FRMPD4: variants seen among roughly 807,000 people sequenced by gnomAD.
FRMPD4 encodes FERM and PDZ domain containing 4.
Under a neutral mutation model 94.1 loss-of-function variants are expected in FRMPD4, and 22 were observed. That is an observed-to-expected ratio of 0.23 (90% CI 0.17 to 0.33). The LOEUF is 0.33. Ranked by LOEUF, FRMPD4 falls within the 10% of genes least tolerant of loss-of-function variation. The pLI is 1.00. For synonymous variants in FRMPD4, 631 were observed against 548.6 expected, an observed-to-expected ratio of 1.15 and a Z score of -2.10; for missense variants, 1,111 against 1,339.9, an observed-to-expected ratio of 0.83 and a Z score of 2.67.
chrX:12,302,298 A>G (rs1414693348), intron 1 of FRMPD4, among the ~76,000 whole-genome samples: 1 of 112,170 alleles, frequency 8.9e-6, no homozygotes, highest in Non-Finnish European at 1.9e-5. Context: ...TTTGCCTGTG[A>G]AGTCTACCAC....
At chrX:12,433,223 A>G (rs932228297) in intron 1 of FRMPD4, among the ~76,000 whole-genome samples, 2 of 112,299 alleles carry the variant, frequency 1.8e-5, no homozygotes, top group Non-Finnish European at 3.8e-5. Flanking sequence ...GCAAAAGGCA[A>G]TCTATTTCTG....
intron 1 of FRMPD4, among the ~76,000 whole-genome samples, chrX:12,427,971 G>A (rs1268205539): frequency 1.2e-5 from 1 of 85,686 alleles, no homozygotes; most frequent in African/African-American, 4.5e-5. Context: ...GTGCAGTGGC[G>A]CGATCTCGGC....
At chrX:12,503,741 T>C (rs2057949490) in intron 2 of FRMPD4, among the ~76,000 whole-genome samples, 3 of 112,374 alleles carry the variant, frequency 2.7e-5, no homozygotes, top group South Asian at 3.7e-4. Context: ...TACCTCATTC[T>C]TCTGTGTGAG....
intron 2 of FRMPD4, among the ~76,000 whole-genome samples, chrX:12,597,794 T>G (rs925470835): frequency 8.9e-5 from 10 of 112,016 alleles, no homozygotes; most frequent in Admixed American, 2.8e-4. Context: ...CTCATAAATT[T>G]TACTATAGGT....
intron 3 of FRMPD4, among the ~76,000 whole-genome samples, chrX:11,972,963 G>T (rs981062415): frequency 8.9e-6 from 1 of 112,182 alleles, no homozygotes; most frequent in Non-Finnish European, 1.9e-5. Context: ...AGACAAGTAA[G>T]ATTCTTATTT....
chrX:12,694,752 A>G (rs1436349424), intron 9 of FRMPD4, among the ~76,000 whole-genome samples: 2 of 112,129 alleles, frequency 1.8e-5, no homozygotes, highest in Non-Finnish European at 3.8e-5. Context: ...CTGCCCACAC[A>G]AATACACATA....
rs181844172 is a variant in FRMPD4, at chrX:12,515,325, C to T, written c.158+16529C>T. ...TCAATTTGAGATCTTTCTAGCTTTT[C>T]GATGTGCTAGAAATTTCCCACTTAA... On this transcript the variant is annotated intron_variant, in intron 2 of 16. Coordinates refer to ENST00000675598, the MANE Select transcript of FRMPD4 (RefSeq NM_001368397.1). 1.8e-3 allele frequency among the ~76,000 whole-genome samples: 198 copies of T among 109,384 alleles called. 2 individuals are homozygous for T. Among genetic ancestry groups the T allele is most frequent in the African/African-American group, 6.2e-3 (189 of 30,485 alleles). 95.0% of individuals were successfully genotyped at this position (109,384 alleles called of 115,157 possible).
intron 2 of FRMPD4, among the ~76,000 whole-genome samples, chrX:12,505,012 C>T (rs56922923): frequency 8.9e-6 from 1 of 111,744 alleles, no homozygotes; most frequent in Non-Finnish European, 1.9e-5. Flanking sequence ...AGCAGGTTAG[C>T]TAGTGCACTG....
At chrX:11,950,068 G>A (rs1308386496) in intron 3 of FRMPD4, among the ~76,000 whole-genome samples, 1 of 111,327 alleles carries the variant, frequency 9.0e-6, no homozygotes, top group African/African-American at 3.3e-5. Flanking sequence ...TCAAGGGTAA[G>A]ACCAGGTGGA....
chrX:12,142,548 T>C (rs186635326), intron 1 of FRMPD4, among the ~76,000 whole-genome samples: 1 of 111,804 alleles, frequency 8.9e-6, no homozygotes, highest in Admixed American at 9.5e-5. Flanking sequence ...AGACTCTGGA[T>C]TTGAATTTTA....
chrX:12,075,638 A>G (rs2055007064), intron 3 of FRMPD4, among the ~76,000 whole-genome samples: 1 of 111,918 alleles, frequency 8.9e-6, no homozygotes, highest in Non-Finnish European at 1.9e-5. Flanking sequence ...TTGCCAGCCA[A>G]CTAGCATTGT....
At position 12,138,618 on chromosome X, in the gene FRMPD4, C is replaced by T. The variant is rs1022743851; in HGVS notation, c.-354C>T. ...GCCTCTCGCCCAGGCCTCGCTTTCT[C>T]TGGACGCCCGGCAGTCCCCGGGGCT... On this transcript the variant is annotated 5_prime_UTR_variant, in exon 1 of 17. Coordinates refer to ENST00000675598, the MANE Select transcript of FRMPD4 (RefSeq NM_001368397.1). 4.2e-5 allele frequency: 12 copies of T among 285,778 alleles called. No homozygotes were observed. The highest frequency in any genetic ancestry group is 7.3e-5 in the Non-Finnish European group (12 of 163,612). The allele number at this position is 285,778 out of a possible 1,213,427, so 23.6% of individuals were successfully genotyped here.
chrX:12,245,324 A>G (rs976146614), intron 1 of FRMPD4, among the ~76,000 whole-genome samples: 4 of 111,231 alleles, frequency 3.6e-5, no homozygotes, highest in African/African-American at 9.8e-5. Flanking sequence ...TTTTTCTCAC[A>G]AAGGAACTAT....
At chrX:12,343,293 G>A (rs1742461858) in intron 1 of FRMPD4, among the ~76,000 whole-genome samples, 1 of 112,067 alleles carries the variant, frequency 8.9e-6, no homozygotes. Context: ...TAGCCTCTGT[G>A]CTTTGATTTT....
chrX:12,686,459 G>A (rs1417377720), intron 7 of FRMPD4, among the ~76,000 whole-genome samples: 1 of 111,806 alleles, frequency 8.9e-6, no homozygotes, highest in Non-Finnish European at 1.9e-5. Flanking sequence ...AGAAACACTA[G>A]AGCTAGTCAT....
intron 3 of FRMPD4, among the ~76,000 whole-genome samples, chrX:11,894,608 G>A (rs1170663670): frequency 2.7e-5 from 3 of 112,203 alleles, no homozygotes; most frequent in African/African-American, 9.7e-5. Context: ...TGGGATCCAG[G>A]CATGTTTTTA....
intron 1 of FRMPD4, among the ~76,000 whole-genome samples, chrX:12,321,257 G>A (rs968284199): frequency 1.6e-4 from 18 of 111,913 alleles, no homozygotes; most frequent in Middle Eastern, 4.6e-3. Context: ...TTTCATAGCA[G>A]AGTCATACCT....
chrX:12,048,564 G>T (rs2054798876), intron 3 of FRMPD4, among the ~76,000 whole-genome samples: 1 of 111,660 alleles, frequency 9.0e-6, no homozygotes, highest in African/African-American at 3.3e-5. Flanking sequence ...TTCCAAGGCT[G>T]AAAATGACCA....
intron 3 of FRMPD4, among the ~76,000 whole-genome samples, chrX:12,090,853 T>C (rs1251877055): frequency 1.8e-5 from 2 of 112,606 alleles, no homozygotes; most frequent in African/African-American, 6.5e-5. Flanking sequence ...CTTCTTTCTT[T>C]GAAACTAACA....
Sources: allele counts gnomAD v4.1 joint callset (sites outside exome capture counted in the v4.1 genomes callset), GRCh38; gene constraint gnomAD v4.1.1; transcripts MANE v1.5; gene names NCBI Gene and HGNC (gene_info 2026-07-23, HGNC 2026-07-21).